Variants in TMPRSS11F observed in about 807,000 individuals in gnomAD.
TMPRSS11F encodes the protein transmembrane serine protease 11F.
In TMPRSS11F, 47 loss-of-function variants were observed where a neutral mutation model predicts 60.2. That is an observed-to-expected ratio of 0.78 (90% CI 0.62 to 1.00). The LOEUF is 1.00. Among genes scored for constraint, TMPRSS11F ranks in the 50% least tolerant of loss-of-function variants. The pLI is 0.00. For synonymous variants in TMPRSS11F, 166 were observed against 167.3 expected (o/e 0.99, Z 0.06); for missense variants, 519 against 522.9 (o/e 0.99, Z 0.07).
At chr4:68,091,061 GCTTA>G (rs1560403160) in intron 2 of TMPRSS11F, among the ~76,000 whole-genome samples, 1 of 152,084 alleles carries the variant, frequency 6.6e-6, no homozygotes, top group Non-Finnish European at 1.5e-5. Flanking sequence ...CTACTGCTAA[GCTTA>G]CTTAAGTAGA....
At chr4:68,071,831 A>C (rs1723471009) in intron 5 of TMPRSS11F, among the ~76,000 whole-genome samples, 1 of 152,180 alleles carries the variant, frequency 6.6e-6, no homozygotes, top group South Asian at 2.1e-4. Context: ...TTTACAGTTC[A>C]TGTCACTGGC....
intron 2 of TMPRSS11F, among the ~76,000 whole-genome samples, chr4:68,092,801 T>C (rs1436193287): frequency 6.6e-6 from 1 of 152,132 alleles, no homozygotes; most frequent in Non-Finnish European, 1.5e-5. Flanking sequence ...CCCTATATTG[T>C]CTTTAAGAAT....
intron 1 of TMPRSS11F, among the ~76,000 whole-genome samples, chr4:68,105,932 G>A (rs1250002085): frequency 2.0e-5 from 3 of 151,260 alleles, no homozygotes; most frequent in African/African-American, 7.4e-5. Context: ...TTGATCTATA[G>A]TCTGAAGGTA....
At chr4:68,064,647 C>T in intron 8 of TMPRSS11F, 38 bp downstream of exon 8, 3 of 1,598,526 alleles carry the variant, frequency 1.9e-6, no homozygotes, top group Non-Finnish European at 2.6e-6. Context: ...GATCTCAAGA[C>T]ATTCTTGTGC....
intron 1 of TMPRSS11F, among the ~76,000 whole-genome samples, chr4:68,123,267 G>A (rs1444287850): frequency 2.6e-5 from 4 of 152,120 alleles, no homozygotes; most frequent in Non-Finnish European, 5.9e-5. Flanking sequence ...GCTCTTATTA[G>A]ATCAAAAAGT....
At chr4:68,078,332 G>A (rs573969206) in intron 3 of TMPRSS11F, among the ~76,000 whole-genome samples, 2 of 152,168 alleles carry the variant, frequency 1.3e-5, no homozygotes, top group South Asian at 4.1e-4. Flanking sequence ...TACCTTACTT[G>A]AGAAACTCTA....
Position 68,053,825 on chromosome 4 carries a change from C to A in TMPRSS11F, c.*84G>T. Reference sequence around the variant, plus strand: ...CTTGACATCTAGCAAAAGCACTAATCCAAAGTAAATGAATTTAAACAATAC... The same window carrying A: ...CTTGACATCTAGCAAAAGCACTAATACAAAGTAAATGAATTTAAACAATAC... On this transcript the variant is annotated 3_prime_UTR_variant, in exon 10 of 10. Transcript: ENST00000356291. 1 of 1,390,094 alleles carries A rather than the reference C, an allele frequency of 7.2e-7. No individual in the cohort carries two copies. 86.1% of individuals were successfully genotyped at this position (1,390,094 alleles called of 1,614,324 possible). A position where few individuals can be genotyped will look rare whatever the true frequency, so the allele number is the denominator to read the frequency against.
chr4:68,098,263 C>T (rs145801613), intron 2 of TMPRSS11F, among the ~76,000 whole-genome samples: 10 of 151,960 alleles, frequency 6.6e-5, no homozygotes, highest in African/African-American at 1.9e-4. Flanking sequence ...CGGGATCGTG[C>T]GACTGCACTC....
At chr4:68,090,424 G>A (rs878866274) in intron 3 of TMPRSS11F, 99 bp downstream of exon 3, 1 of 1,431,302 alleles carries the variant, frequency 7.0e-7, no homozygotes. Flanking sequence ...TCTCCATTAT[G>A]CAAAAGAAGA....
chr4:68,125,412 A>C (rs1389853777), intron 1 of TMPRSS11F, among the ~76,000 whole-genome samples: 1 of 152,148 alleles, frequency 6.6e-6, no homozygotes, highest in African/African-American at 2.4e-5. Flanking sequence ...CAACTACAGA[A>C]AATTAGTTAA....
intron 2 of TMPRSS11F, among the ~76,000 whole-genome samples, chr4:68,095,977 G>A (rs1018456979): frequency 2.0e-5 from 3 of 150,902 alleles, no homozygotes; most frequent in Admixed American, 6.6e-5. Context: ...ACTCTTGGAT[G>A]TGTGTACAAG....
chr4:68,060,515 C>CAAAAAAAAAAAAAAAAAAAAA (rs71218926), intron 8 of TMPRSS11F, among the ~76,000 whole-genome samples: 1 of 29,638 alleles, frequency 3.4e-5, no homozygotes, highest in African/African-American at 1.6e-4. Context: ...GACTCCAACT[C>CAAAAAAAAAAAAAAAAAAAAA]AAAAAAAAAA....
At chr4:68,075,886 G>A (rs1404656056) in intron 3 of TMPRSS11F, among the ~76,000 whole-genome samples, 6 of 151,872 alleles carry the variant, frequency 4.0e-5, no homozygotes, top group East Asian at 1.9e-4. Context: ...CCAGCTACTC[G>A]GGAGGCTGAA....
chr4:68,068,600 C>T lies in TMPRSS11F; in HGVS notation c.755+18G>A, dbSNP rs1249360944. The T allele has an allele frequency of 3.1e-6, 5 of 1,607,904 alleles. No individual in the cohort carries two copies. In the African/African-American group the frequency reaches 5.4e-5, roughly 17 times the overall value. On this transcript the variant is annotated intron_variant, in intron 7 of 9. Coordinates refer to ENST00000356291, the MANE Select transcript of TMPRSS11F (RefSeq NM_207407.2). ...AGGACTGTGAAAAGAAGGCTCACAG[C>T]AGCCTTGGTTAACTTACTTCCAAAA...
At chr4:68,085,351 A>G (rs898539780) in intron 3 of TMPRSS11F, among the ~76,000 whole-genome samples, 9 of 151,992 alleles carry the variant, frequency 5.9e-5, no homozygotes, top group African/African-American at 2.2e-4. Flanking sequence ...AGTCCCACCA[A>G]CAGTGTAAAA....
At chr4:68,091,728 A>G (rs1244470200) in intron 2 of TMPRSS11F, among the ~76,000 whole-genome samples, 5 of 149,330 alleles carry the variant, frequency 3.3e-5, no homozygotes, top group African/African-American at 1.2e-4. Flanking sequence ...TCCTGTAACT[A>G]TAACCCATTT....
chr4:68,119,868 C>G, intron 1 of TMPRSS11F, among the ~76,000 whole-genome samples: 1 of 152,044 alleles, frequency 6.6e-6, no homozygotes, highest in East Asian at 1.9e-4. Context: ...AAGGCTATAC[C>G]TCTCATAGTA....
At chr4:68,081,827 G>C (rs1723700685) in intron 3 of TMPRSS11F, among the ~76,000 whole-genome samples, 1 of 152,186 alleles carries the variant, frequency 6.6e-6, no homozygotes, top group Admixed American at 6.5e-5. Flanking sequence ...AAAGATGGTA[G>C]AGACAGACAA....
At chr4:68,078,805 ACAATTTC>A (rs1723637572) in intron 3 of TMPRSS11F, among the ~76,000 whole-genome samples, 1 of 152,130 alleles carries the variant, frequency 6.6e-6, no homozygotes, top group African/African-American at 2.4e-5. Context: ...CATGACACTT[ACAATTTC>A]ACTAAGCTTC....
Sources: allele counts gnomAD v4.1 joint callset (sites outside exome capture counted in the v4.1 genomes callset), GRCh38; gene constraint gnomAD v4.1.1; transcripts MANE v1.5; gene names NCBI Gene and HGNC (gene_info 2026-07-23, HGNC 2026-07-21).